PDE1A: variants seen among roughly 807,000 people sequenced by gnomAD.
The protein encoded by PDE1A is dual specificity calcium/calmodulin-dependent 3',5'-cyclic nucleotide phosphodiesterase 1A.
Under a neutral mutation model 61.7 loss-of-function variants are expected in PDE1A, and 35 were observed. The ratio of observed to expected loss-of-function variants is 0.57; its 90% confidence interval spans 0.43 to 0.75. The LOEUF is 0.75. PDE1A is among the 30% of genes least tolerant of loss of function. PDE1A has a pLI of 0.00. For synonymous variants in PDE1A, 232 were observed against 213.2 expected (o/e 1.09, Z -0.77); for missense variants, 597 against 630.6 (o/e 0.95, Z 0.57).
chr2:182,377,275 G>T (rs749525251), intron 1 of PDE1A, among the ~76,000 whole-genome samples: 1 of 152,064 alleles, frequency 6.6e-6, no homozygotes, highest in African/African-American at 2.4e-5. Flanking sequence ...AGATCTGGTG[G>T]ATTAGAAGTG....
chr2:182,256,484 C>T (rs1162442427), intron 2 of PDE1A, among the ~76,000 whole-genome samples: 1 of 152,038 alleles, frequency 6.6e-6, no homozygotes, highest in Non-Finnish European at 1.5e-5. Flanking sequence ...ACTAGAAATA[C>T]CATTTGACCC....
chr2:182,191,902 C>T (rs951763696), intron 10 of PDE1A, among the ~76,000 whole-genome samples: 5 of 151,330 alleles, frequency 3.3e-5, no homozygotes, highest in Non-Finnish European at 7.4e-5. Flanking sequence ...GTTGCCCAGG[C>T]TGGAGTGCAA....
At chr2:182,305,884 G>A (rs990339754) in intron 1 of PDE1A, among the ~76,000 whole-genome samples, 1 of 151,912 alleles carries the variant, frequency 6.6e-6, no homozygotes, top group African/African-American at 2.4e-5. Context: ...TATTTTTTGT[G>A]ATAAGAACAT....
chr2:182,696,394 A>G, the PDE1A span, among the ~76,000 whole-genome samples: 1 of 152,240 alleles, frequency 6.6e-6, no homozygotes, highest in African/African-American at 2.4e-5. Flanking sequence ...TTCCAACTAC[A>G]TGACGTTCTG....
intron 10 of PDE1A, among the ~76,000 whole-genome samples, chr2:182,192,142 C>A (rs1248300281): frequency 2.6e-5 from 4 of 152,118 alleles, no homozygotes; most frequent in Non-Finnish European, 4.4e-5. Context: ...CTGGCGTGAG[C>A]CACTGTGCCC....
At chr2:182,241,261 C>G (rs1690485263) in intron 2 of PDE1A, among the ~76,000 whole-genome samples, 3 of 152,208 alleles carry the variant, frequency 2.0e-5, no homozygotes, top group Admixed American at 2.0e-4. Context: ...CTAGGAAGAA[C>G]ACAGGCCAGC....
chr2:182,294,511 G>A (rs752341528), intron 1 of PDE1A, among the ~76,000 whole-genome samples: 15 of 152,082 alleles, frequency 9.9e-5, no homozygotes, highest in Admixed American at 8.5e-4. Context: ...TGAGGTAAAC[G>A]TGCTACGTAG....
At chr2:182,340,711 CA>C (rs1167077751) in intron 1 of PDE1A, among the ~76,000 whole-genome samples, 1 of 152,140 alleles carries the variant, frequency 6.6e-6, no homozygotes, top group Non-Finnish European at 1.5e-5. Context: ...GATGTTAAAA[CA>C]GAAGGAAGTT....
chr2:182,381,756 G>A (rs1395817904), intron 1 of PDE1A, among the ~76,000 whole-genome samples: 3 of 151,968 alleles, frequency 2.0e-5, no homozygotes, highest in Non-Finnish European at 4.4e-5. Flanking sequence ...AGGTTGCAGT[G>A]AGCCGAGATG....
chr2:182,243,489 C>T (rs1690717163), intron 2 of PDE1A, among the ~76,000 whole-genome samples: 1 of 152,040 alleles, frequency 6.6e-6, no homozygotes, highest in Admixed American at 6.6e-5. Flanking sequence ...AGGAAGGAGG[C>T]CAAATGTGGC....
downstream of PDE1A, among the ~76,000 whole-genome samples, chr2:182,145,052 A>C (rs1690422700): frequency 6.6e-6 from 1 of 152,180 alleles, no homozygotes; most frequent in Non-Finnish European, 1.5e-5. Context: ...TGTTGTTTTT[A>C]GACCTCACTC....
At chr2:182,421,375 T>C (rs1703269318) in intron 1 of PDE1A, among the ~76,000 whole-genome samples, 1 of 152,150 alleles carries the variant, frequency 6.6e-6, no homozygotes, top group African/African-American at 2.4e-5. Flanking sequence ...CGTACCCTGT[T>C]CCTGACTCTA....
intron 1 of PDE1A, among the ~76,000 whole-genome samples, chr2:182,329,706 T>A (rs980015497): frequency 6.6e-6 from 1 of 152,228 alleles, no homozygotes; most frequent in East Asian, 1.9e-4. Flanking sequence ...AATTACCAAA[T>A]AGGGGTTTCT....
chr2:182,241,599 C>T (rs1298012231), intron 2 of PDE1A, among the ~76,000 whole-genome samples: 1 of 152,162 alleles, frequency 6.6e-6, no homozygotes, highest in African/African-American at 2.4e-5. Context: ...TTTAAATGAC[C>T]TCTCACATAT....
At chr2:182,613,299 C>G in the PDE1A span, among the ~76,000 whole-genome samples, 11 of 152,162 alleles carry the variant, frequency 7.2e-5, no homozygotes, top group African/African-American at 2.7e-4. Flanking sequence ...CGGTGGCTCA[C>G]GCCTGTAATC....
chr2:182,230,567 G>C (rs1050282430), intron 5 of PDE1A, among the ~76,000 whole-genome samples: 2 of 152,148 alleles, frequency 1.3e-5, no homozygotes, highest in African/African-American at 4.8e-5. Context: ...AATGATGAAA[G>C]TAATAAGCTA....
At chr2:182,479,052 C>A (rs1687545696) in intron 2 of PDE1A, among the ~76,000 whole-genome samples, 1 of 151,770 alleles carries the variant, frequency 6.6e-6, no homozygotes, top group Non-Finnish European at 1.5e-5. Context: ...CCTTATTAAT[C>A]CTGTTTAGTT....
At chr2:182,594,273 A>G in the PDE1A span, among the ~76,000 whole-genome samples, 1 of 152,244 alleles carries the variant, frequency 6.6e-6, no homozygotes, top group Admixed American at 6.5e-5. Context: ...AGATAATACC[A>G]TAAGCTTACA....
chr2:182,288,745 T>C (rs1243715661), intron 1 of PDE1A, among the ~76,000 whole-genome samples: 1 of 152,038 alleles, frequency 6.6e-6, no homozygotes, highest in Non-Finnish European at 1.5e-5. Flanking sequence ...GGAATTTCTG[T>C]GGATGACTAT....
Sources: gnomAD v4.1 joint callset for allele counts (sites outside exome capture counted in the v4.1 genomes callset) on GRCh38, gnomAD v4.1.1 for gene constraint, MANE v1.5 for transcripts, NCBI Gene and HGNC (gene_info 2026-07-23, HGNC 2026-07-21) for gene names.